The following LAMA2 variants were observed in gnomAD, a reference collection of about 807,000 sequenced individuals.
LAMA2 encodes the protein laminin subunit alpha 2, also known as laminin subunit alpha-2.
LAMA2 carries 269 observed loss-of-function variants against 364.8 expected under a neutral mutation model. That is an observed-to-expected ratio of 0.74 (90% CI 0.67 to 0.82). The LOEUF (loss-of-function observed/expected upper bound fraction) is 0.82, where lower values mean the gene tolerates loss of function less well. Ranked by LOEUF, LAMA2 falls within the 40% of genes least tolerant of loss-of-function variation. The pLI is 0.00. For synonymous variants in LAMA2, 1,379 were observed against 1,370.6 expected, an observed-to-expected ratio of 1.01 and a Z score of -0.14; for missense variants, 3,807 against 3,873.2, an observed-to-expected ratio of 0.98 and a Z score of 0.45.
chr6:129,114,560 AGTG>A (rs1776349649), intron 4 of LAMA2, among the ~76,000 whole-genome samples: 2 of 152,078 alleles, frequency 1.3e-5, no homozygotes, highest in African/African-American at 4.8e-5. Context: ...TTTTAAATCC[AGTG>A]ATAAGAATGA....
At chr6:128,957,874 G>A (rs1055654526) in intron 1 of LAMA2, among the ~76,000 whole-genome samples, 1 of 43,852 alleles carries the variant, frequency 2.3e-5, no homozygotes, top group Non-Finnish European at 4.8e-5. Flanking sequence ...ATTGTATTTA[G>A]AGTTTTTCCT....
intron 4 of LAMA2, among the ~76,000 whole-genome samples, chr6:129,140,266 T>TATTTACTGATTTACTAAATC (rs1778047903): frequency 6.6e-6 from 1 of 152,128 alleles, no homozygotes; most frequent in East Asian, 1.9e-4. Context: ...ATGCTTACAT[T>TATTTACTGATTTACTAAATC]AGTAAATCAG....
At position 128,916,884 on chromosome 6, in the gene LAMA2, G is replaced by A. The variant is rs567500680; in HGVS notation, c.112+33527G>A. Among the ~76,000 whole-genome samples the A allele has an allele frequency of 3.3e-5, 5 of 152,306 alleles. No individual in the cohort carries two copies. The South Asian group carries it at 1.0e-3, about 32-fold the overall frequency. On this transcript the variant is annotated intron_variant, in intron 1 of 64. Transcript: ENST00000421865. ...GTTTTAACTGGAATGAATTGGATAA[G>A]TTATAAGGCAGATGGTAAGATTGGA...
At chr6:129,431,413 A>T (rs1014892036) in intron 41 of LAMA2, among the ~76,000 whole-genome samples, 1 of 151,866 alleles carries the variant, frequency 6.6e-6, no homozygotes, top group African/African-American at 2.4e-5. Context: ...AAAAAAAAAA[A>T]AACTAGGTAA....
intron 10 of LAMA2, among the ~76,000 whole-genome samples, chr6:129,180,928 G>T (rs1780887755): frequency 6.6e-6 from 1 of 152,030 alleles, no homozygotes; most frequent in African/African-American, 2.4e-5. Context: ...CTAGGATTTG[G>T]ACCCACAGAC....
intron 1 of LAMA2, among the ~76,000 whole-genome samples, chr6:128,910,398 T>C (rs1387695030): frequency 6.6e-6 from 1 of 152,186 alleles, no homozygotes; most frequent in Non-Finnish European, 1.5e-5. Context: ...CGTCTTCCAT[T>C]GCTGATACCC....
Position 129,250,233 on chromosome 6 carries a change from T to A in LAMA2, c.1884+20T>A. 7.3e-7 allele frequency: 1 copy of A among 1,374,044 alleles called. No homozygotes were observed. Among genetic ancestry groups the A allele is most frequent in the East Asian group, 2.3e-5 (1 of 43,776 alleles). 85.1% of individuals were successfully genotyped at this position (1,374,044 alleles called of 1,614,324 possible). On this transcript the variant is annotated intron_variant, in intron 13 of 64. Coordinates refer to ENST00000421865, the MANE Select transcript of LAMA2 (RefSeq NM_000426.4). ...TTAGAGGTAGAGTACTGAGAGCATG[T>A]TCACCCGTGTTACTTCCTGATGTTA... is the stretch of plus-strand genomic sequence containing the variant.
intron 53 of LAMA2, among the ~76,000 whole-genome samples, chr6:129,477,479 T>G (rs1407196222): frequency 2.0e-5 from 3 of 152,162 alleles, no homozygotes; most frequent in African/African-American, 7.2e-5. Context: ...GTACTATGAT[T>G]ATTATTATCA....
chr6:128,909,275 C>T (rs952105131), intron 1 of LAMA2, among the ~76,000 whole-genome samples: 8 of 151,994 alleles, frequency 5.3e-5, no homozygotes, highest in African/African-American at 1.9e-4. Context: ...GAGTCTAAGT[C>T]TCTTTGTAGG....
chr6:129,193,897 A>G (rs1460596332), intron 12 of LAMA2, among the ~76,000 whole-genome samples: 1 of 152,136 alleles, frequency 6.6e-6, no homozygotes, highest in Non-Finnish European at 1.5e-5. Flanking sequence ...GGCTGGTTGA[A>G]ACACTTTTAA....
intron 35 of LAMA2, among the ~76,000 whole-genome samples, chr6:129,383,544 A>T (rs1214671436): frequency 6.6e-6 from 1 of 152,224 alleles, no homozygotes; most frequent in Non-Finnish European, 1.5e-5. Context: ...ATTTGAAAGT[A>T]TTTAAAGTAT....
intron 29 of LAMA2, 33 bp downstream of exon 29, chr6:129,328,445 A>G (rs1046455449): frequency 5.6e-6 from 9 of 1,613,924 alleles, no homozygotes; most frequent in Non-Finnish European, 7.6e-6. Context: ...AACAAGGTCC[A>G]TGTGCTCATT....
At chr6:129,255,843 C>T (rs1298550839) in intron 14 of LAMA2, among the ~76,000 whole-genome samples, 1 of 152,150 alleles carries the variant, frequency 6.6e-6, no homozygotes, top group Non-Finnish European at 1.5e-5. Context: ...ATTTTGAAGA[C>T]ATTTTACTGA....
At position 129,465,345 on chromosome 6, in the gene LAMA2, A is replaced by T; in HGVS notation, c.7300+56A>T. 3 of 1,391,796 alleles carry T rather than the reference A, an allele frequency of 2.2e-6. No homozygotes were observed. In the South Asian group the frequency reaches 3.5e-5, roughly 16 times the overall value. The allele number at this position is 1,391,796 out of a possible 1,614,324, so 86.2% of individuals were successfully genotyped here. A position where few individuals can be genotyped will look rare whatever the true frequency, so the allele number is the denominator to read the frequency against. On this transcript the variant is annotated intron_variant, in intron 51 of 64. Transcript: ENST00000421865. ...GCCTTAATCATGAAATCCAAAGTGC[A>T]CATGTACCTGATCAAGAGGAAGGCT... is the stretch of plus-strand genomic sequence containing the variant.
intron 3 of LAMA2, among the ~76,000 whole-genome samples, chr6:129,088,246 A>G (rs1368962915): frequency 1.3e-5 from 2 of 151,852 alleles, no homozygotes; most frequent in African/African-American, 4.8e-5. Context: ...CCAAGGCAGA[A>G]GAATCTTTCT....
chr6:129,323,216 A>C (rs1334826516), intron 28 of LAMA2, among the ~76,000 whole-genome samples: 1 of 152,204 alleles, frequency 6.6e-6, no homozygotes, highest in Non-Finnish European at 1.5e-5. Flanking sequence ...AGCTAAGGGC[A>C]GTTTTGAAAT....
chr6:129,301,739 T>A (rs965757500), intron 22 of LAMA2, among the ~76,000 whole-genome samples: 1 of 152,166 alleles, frequency 6.6e-6, no homozygotes, highest in Non-Finnish European at 1.5e-5. Flanking sequence ...TTTATAGTAA[T>A]GAATTTTAAC....
intron 31 of LAMA2, among the ~76,000 whole-genome samples, chr6:129,350,054 T>C (rs1484884227): frequency 1.3e-5 from 2 of 152,208 alleles, no homozygotes; most frequent in African/African-American, 2.4e-5. Flanking sequence ...ACTGATTGTC[T>C]AGAAAAGTTG....
rs115731594 is a variant in LAMA2 at position 129,064,288 on chromosome 6, G to A, written c.396+4392G>A. On this transcript the variant is annotated intron_variant, in intron 3 of 64. Transcript: ENST00000421865. ...AGCAAAAGCAGTTCTAAGAAGAAAG[G>A]CTATAGTAATAAATACCTACGTCAA... Among the ~76,000 whole-genome samples the A allele has an allele frequency of 2.6e-3, 399 of 150,878 alleles. 2 individuals carry two copies. Among genetic ancestry groups the A allele is most frequent in the African/African-American group, 8.8e-3 (363 of 41,092 alleles).
Sources: gnomAD v4.1 joint callset for allele counts (sites outside exome capture counted in the v4.1 genomes callset) on GRCh38, gnomAD v4.1.1 for gene constraint, MANE v1.5 for transcripts, NCBI Gene and HGNC (gene_info 2026-07-23, HGNC 2026-07-21) for gene names.